Variants in DNAJC9 observed in about 807,000 individuals in gnomAD.
The protein encoded by DNAJC9 is DnaJ heat shock protein family (Hsp40) member C9, also known as dnaJ homolog subfamily C member 9.
In DNAJC9, 18 loss-of-function variants were observed where a neutral mutation model predicts 32.4. That is an observed-to-expected ratio of 0.56 (90% CI 0.38 to 0.82). The LOEUF (loss-of-function observed/expected upper bound fraction) is 0.82. DNAJC9 is among the 40% of genes least tolerant of loss of function. The pLI, the probability that DNAJC9 is intolerant of heterozygous loss-of-function variation, is 0.00. For missense variants in DNAJC9, 310 were observed against 321.8 expected (o/e 0.96, Z 0.28); for synonymous variants, 113 against 122.1 (o/e 0.93, Z 0.49).
rs773854712 is a variant in DNAJC9, at chr10:73,247,169, G to A, written c.21C>T (p.Cys7=). ...GGTCGGCGGTGCCGAACACTTCCTCGCAAAGGTCCAGCAGCCCCATGCCGG... is the reference window on the plus strand; with the variant it reads ...GGTCGGCGGTGCCGAACACTTCCTCACAAAGGTCCAGCAGCCCCATGCCGG... MGLLDL[C]EEVFGTADLY... is the part of the protein sequence containing the mutation. The change falls in exon 1 of 5, where the codon TGC becomes TGT. Residue 7 remains cysteine (C), a synonymous_variant. Coordinates refer to ENST00000372950, the MANE Select transcript of DNAJC9 (RefSeq NM_015190.5). 6.3e-6 allele frequency: 10 copies of A among 1,596,322 alleles called. No homozygotes were observed. In the South Asian group the frequency reaches 1.0e-4, roughly 16 times the overall value.
At chr10:73,239,204 C>A, downstream of DNAJC9, 1 of 895,964 alleles carries the variant, frequency 1.1e-6, no homozygotes, top group South Asian at 1.6e-5. Context: ...AGTTGGTAGT[C>A]TATGCCTTTT....
chr10:73,246,322 C>T, intron 2 of DNAJC9, 146 bp from the exon 3 acceptor site: 1 of 891,054 alleles, frequency 1.1e-6, no homozygotes. Flanking sequence ...TATGCCTAAG[C>T]TTCTCCGGAG....
chr10:73,234,210 C>G (rs1392205511), downstream of DNAJC9: 2 of 153,232 alleles, frequency 1.3e-5, no homozygotes, highest in East Asian at 3.8e-4. Flanking sequence ...TCTATACCAA[C>G]AGAGCTATAA....
chr10:73,242,753 C>T lies in DNAJC9; in HGVS notation c.*647G>A, dbSNP rs1274176412. The stretch of plus-strand genomic sequence containing the variant: ...CAGGGCTATTGTTTTCCCCTTTTCT[C>T]TCATCCTAAACACCATTCATATTTT... On this transcript the variant is annotated 3_prime_UTR_variant, in exon 5 of 5. Coordinates refer to ENST00000372950, the MANE Select transcript of DNAJC9 (RefSeq NM_015190.5). 2 of 152,222 alleles carry T rather than the reference C, an allele frequency of 1.3e-5. No homozygotes were observed. The highest frequency in any genetic ancestry group is 3.8e-4 in the East Asian group (2 of 5,202). The allele number at this position is 152,222 out of a possible 1,614,324, so 9.4% of individuals were successfully genotyped here. A position where few individuals can be genotyped will look rare whatever the true frequency, so the allele number is the denominator to read the frequency against.
chr10:73,233,137 G>A lies in DNAJC9; in HGVS notation n.147+10706C>T. 4 of 1,551,670 alleles carry A rather than the reference G, an allele frequency of 2.6e-6. No individual in the cohort carries two copies. The South Asian group carries it at 3.6e-5, about 14-fold the overall frequency. ...CATGTGCTGAAACACCAAGATCTGT[G>A]GAAGAAATCCTCAGAGGAGCCCGAG... On this transcript the variant is annotated intron_variant and non_coding_transcript_variant, in intron 2 of 2. Transcript: ENST00000469143.
downstream of DNAJC9, chr10:73,241,828 C>T (rs1023615170): frequency 3.3e-5 from 5 of 152,072 alleles, no homozygotes; most frequent in Non-Finnish European, 5.9e-5. Context: ...AGTATAATTC[C>T]CTAAAAGTTT....
At chr10:73,234,254 A>C (rs1029933113), downstream of DNAJC9, 7 of 154,714 alleles carry the variant, frequency 4.5e-5, no homozygotes, top group Middle Eastern at 3.4e-3. Flanking sequence ...GTCTTGATGT[A>C]TAATTAATCT....
chr10:73,234,134 A>T (rs1046829045), downstream of DNAJC9: 3 of 152,272 alleles, frequency 2.0e-5, no homozygotes, highest in African/African-American at 7.2e-5. Context: ...GTATGAGATA[A>T]TAAGGCCACA....
At chr10:73,246,615 T>G in intron 2 of DNAJC9, 73 bp downstream of exon 2, 1 of 1,541,692 alleles carries the variant, frequency 6.5e-7, no homozygotes, top group South Asian at 1.1e-5. Context: ...ATACAAGATC[T>G]TAGAGGCAGT....
At chr10:73,237,880 C>T (rs141617606), downstream of DNAJC9, among the ~76,000 whole-genome samples, 9 of 152,264 alleles carry the variant, frequency 5.9e-5, no homozygotes, top group Non-Finnish European at 1.3e-4. Flanking sequence ...TGCACCTCTG[C>T]ACCTGGCTAA....
downstream of DNAJC9, among the ~76,000 whole-genome samples, chr10:73,237,952 CTCTTT>C (rs766845868): frequency 3.7e-4 from 56 of 152,018 alleles, no homozygotes; most frequent in Non-Finnish European, 6.0e-4. Context: ...TTTCAGTCTT[CTCTTT>C]AAGTTTATTA....
At chr10:73,240,975 C>A, downstream of DNAJC9, 1 of 1,542,802 alleles carries the variant, frequency 6.5e-7, no homozygotes, top group African/African-American at 1.5e-5. Context: ...TACAAAATCT[C>A]AAAGCGGAGG....
downstream of DNAJC9, among the ~76,000 whole-genome samples, chr10:73,239,928 T>TGAGG (rs2043903731): frequency 6.6e-6 from 1 of 152,188 alleles, no homozygotes; most frequent in Admixed American, 6.5e-5. Context: ...GGGAGAAAAT[T>TGAGG]GAGGGATGTC....
chr10:73,235,016 CCT>C, downstream of DNAJC9: 3 of 1,513,480 alleles, frequency 2.0e-6, no homozygotes, highest in Non-Finnish European at 2.7e-6. Context: ...GGATCTGTGC[CCT>C]GATCTTGATT....
At chr10:73,236,506 T>A (rs762223950), downstream of DNAJC9, among the ~76,000 whole-genome samples, 39 of 151,146 alleles carry the variant, frequency 2.6e-4, no homozygotes, top group Non-Finnish European at 5.5e-4. Flanking sequence ...CTCTGCCTAC[T>A]GGGTTCATGT....
chr10:73,238,001 C>T (rs147148422), downstream of DNAJC9, among the ~76,000 whole-genome samples: 18 of 152,182 alleles, frequency 1.2e-4, 1 homozygote, highest in East Asian at 3.5e-3. Flanking sequence ...CATTTCTCTC[C>T]CCATTTGCTG....
downstream of DNAJC9, among the ~76,000 whole-genome samples, chr10:73,238,452 C>T (rs1389146444): frequency 6.6e-6 from 1 of 152,198 alleles, no homozygotes; most frequent in Non-Finnish European, 1.5e-5. Flanking sequence ...AACTACAGTT[C>T]CTGGGCTACT....
chr10:73,235,382 T>C (rs1004078685), downstream of DNAJC9: 1 of 1,543,096 alleles, frequency 6.5e-7, no homozygotes, highest in Non-Finnish European at 8.7e-7. Flanking sequence ...GGGGGAATAA[T>C]AGTTTGGCAG....
downstream of DNAJC9, among the ~76,000 whole-genome samples, chr10:73,240,461 C>T (rs538410333): frequency 2.6e-5 from 4 of 152,210 alleles, no homozygotes; most frequent in East Asian, 7.7e-4. Flanking sequence ...GCCTGTAATC[C>T]CAGCACTTTC....
Sources: allele counts gnomAD v4.1 joint callset (sites outside exome capture counted in the v4.1 genomes callset), GRCh38; gene constraint gnomAD v4.1.1; transcripts MANE v1.5; gene names NCBI Gene and HGNC (gene_info 2026-07-23, HGNC 2026-07-21).